The following TP73 variants were observed in gnomAD, a reference collection of about 807,000 sequenced individuals.
TP73 encodes tumor protein p73, also known as p53-like transcription factor.
TP73 carries 25 observed loss-of-function variants against 62.5 expected under a neutral mutation model. That is an observed-to-expected ratio of 0.40 (90% confidence interval 0.29 to 0.56). The LOEUF is 0.56. Ranked by LOEUF, TP73 falls within the 20% of genes least tolerant of loss-of-function variation. TP73 has a pLI of 0.46. For missense variants in TP73, 754 were observed against 913.3 expected, an observed-to-expected ratio of 0.83 and a Z score of 2.25; for synonymous variants, 423 against 377.5, an observed-to-expected ratio of 1.12 and a Z score of -1.40.
intron 1 of TP73, among the ~76,000 whole-genome samples, chr1:3,673,715 A>G (rs957559377): frequency 1.6e-4 from 25 of 152,342 alleles, no homozygotes; most frequent in African/African-American, 6.0e-4. Context: ...ACCCAAACAC[A>G]TATATGACAG....
At chr1:3,681,865 CA>C (rs1645530130) in intron 1 of TP73, among the ~76,000 whole-genome samples, 1 of 108,950 alleles carries the variant, frequency 9.2e-6, no homozygotes, top group Non-Finnish European at 2.2e-5. Context: ...TAACAGACCA[CA>C]GGCCTCACAC....
intron 6 of TP73, 53 bp from the exon 7 acceptor site, chr1:3,727,062 G>A: frequency 6.6e-7 from 1 of 1,523,908 alleles, no homozygotes; most frequent in South Asian, 1.2e-5. Context: ...CCACCTTAGT[G>A]GATTGGGGCT....
intron 3 of TP73, among the ~76,000 whole-genome samples, chr1:3,706,517 G>A (rs1004378891): frequency 4.0e-5 from 6 of 151,898 alleles, no homozygotes; most frequent in African/African-American, 1.2e-4. Context: ...CCGGGGAGAG[G>A]GGGGTAAAGG....
intron 9 of TP73, 145 bp downstream of exon 9, chr1:3,728,362 G>A: frequency 3.9e-6 from 3 of 774,510 alleles, no homozygotes; most frequent in Non-Finnish European, 4.0e-6. Flanking sequence ...GGGTCCAGAG[G>A]GCAGAACCTG....
chr1:3,711,960 C>T (rs2124423515), intron 4 of TP73, among the ~76,000 whole-genome samples: 1 of 152,186 alleles, frequency 6.6e-6, no homozygotes, highest in South Asian at 2.1e-4. Context: ...GGAAGGACGG[C>T]CAGGGAAGCA....
At chr1:3,665,657 C>CT (rs58949374) in intron 1 of TP73, among the ~76,000 whole-genome samples, 1,689 of 137,580 alleles carry the variant, frequency 0.012, 28 homozygotes, top group Middle Eastern at 0.034. Flanking sequence ...TCTCTCTTTT[C>CT]TTTTTTTTTT....
chr1:3,723,530 G>A (rs1213388282), intron 6 of TP73, 61 bp downstream of exon 6: 2 of 759,628 alleles, frequency 2.6e-6, no homozygotes, highest in Non-Finnish European at 2.3e-6. Context: ...TCGGGGGAGG[G>A]GTCCCCTGAG....
Position 3,731,031 on chromosome 1 carries a change from C to A in TP73, c.1450C>A (p.Pro484Thr). ...GGTCTCGGGGTCCCACTGCACTCCGCCACCCCCCTACCACGCCGACCCCAG... is the reference window on the plus strand; with the variant it reads ...GGTCTCGGGGTCCCACTGCACTCCGACACCCCCCTACCACGCCGACCCCAG... ...SMVSGSHCTPPPPYHADPSLV... is the reference protein window; with the variant it reads ...SMVSGSHCTPTPPYHADPSLV... The change falls in exon 12 of 14, where the codon CCA (proline) becomes ACA (threonine). Residue 484 changes from proline (P) to threonine (T), a missense_variant. Physicochemically the swap from Pro to Thr is conservative, Grantham distance 38. This residue lies in a region of TP73 where 458 missense variants were observed against 528.7 expected (regional missense o/e 0.87). Transcript: ENST00000378295. 3 of 1,612,354 alleles carry A rather than the reference C, an allele frequency of 1.9e-6. No homozygotes were observed. The highest frequency in any genetic ancestry group is 2.5e-6 in the Non-Finnish European group (3 of 1,179,748).
intron 1 of TP73, among the ~76,000 whole-genome samples, chr1:3,681,019 C>G (rs1026894388): frequency 3.3e-5 from 5 of 152,256 alleles, no homozygotes; most frequent in Non-Finnish European, 5.9e-5. Flanking sequence ...AGCGGTCACG[C>G]CCACCTGGGA....
At chr1:3,717,793 CCAGA>C (rs900429255) in intron 4 of TP73, among the ~76,000 whole-genome samples, 1 of 152,188 alleles carries the variant, frequency 6.6e-6, no homozygotes, top group Non-Finnish European at 1.5e-5. Flanking sequence ...TCACCCACCC[CCAGA>C]TGCTGCCAGG....
chr1:3,706,695 C>T (rs866038125), intron 3 of TP73, among the ~76,000 whole-genome samples: 39 of 152,210 alleles, frequency 2.6e-4, no homozygotes, highest in Non-Finnish European at 4.1e-4. Flanking sequence ...GACCAGCACC[C>T]CCTCCCTCAG....
chr1:3,731,417 G>A lies in TP73; in HGVS notation c.1485-46G>A, dbSNP rs576669515. On this transcript the variant is annotated intron_variant, in intron 12 of 13. Transcript: ENST00000378295. The stretch of plus-strand genomic sequence containing the variant: ...CAGAGATGGGGGCTCGCGCAGCCCT[G>A]TGCTCGGAAGCTAATGCTGCTTCCT... 8.6e-5 allele frequency: 137 copies of A among 1,585,412 alleles called. 3 individuals carry two copies. The South Asian group carries it at 1.3e-3, about 15-fold the overall frequency.
rs1181315686 is a variant in TP73 at position 3,715,328 on chromosome 1, G to A, written c.430-6693G>A. On this transcript the variant is annotated intron_variant, in intron 4 of 13. Coordinates refer to ENST00000378295, the MANE Select transcript of TP73 (RefSeq NM_005427.4). ...CAGTGCCCAGTCTTCCTGGAACCCA[G>A]GGGTGACGCCTCTGCAGTGCCGTCT... 2.6e-5 allele frequency among the ~76,000 whole-genome samples: 4 copies of A among 152,204 alleles called. No individual in the cohort carries two copies. In the East Asian group the frequency reaches 7.7e-4, roughly 29 times the overall value.
At chr1:3,681,843 C>T (rs1001760625) in intron 1 of TP73, among the ~76,000 whole-genome samples, 1 of 151,792 alleles carries the variant, frequency 6.6e-6, no homozygotes, top group African/African-American at 2.4e-5. Context: ...CAAACCCAGA[C>T]ACAGGGGATC....
chr1:3,727,878 C>A (rs1433542654), intron 8 of TP73, 108 bp downstream of exon 8: 1 of 1,409,094 alleles, frequency 7.1e-7, no homozygotes, highest in African/African-American at 1.4e-5. Context: ...CCCTGAACGG[C>A]CCCCCACGCC....
chr1:3,706,874 C>T (rs1429972494), intron 3 of TP73, among the ~76,000 whole-genome samples: 1 of 152,120 alleles, frequency 6.6e-6, no homozygotes, highest in Non-Finnish European at 1.5e-5. Context: ...GGCCAGGGGG[C>T]AGCAGGGGTG....
chr1:3,725,433 A>C (rs1202930687), intron 6 of TP73, among the ~76,000 whole-genome samples: 13 of 130,544 alleles, frequency 1.0e-4, no homozygotes, highest in African/African-American at 3.9e-4. Flanking sequence ...ATGGGTAGGT[A>C]GGTGGGTGGA....
intron 4 of TP73, among the ~76,000 whole-genome samples, chr1:3,718,211 C>T (rs1261816051): frequency 6.6e-6 from 1 of 151,844 alleles, no homozygotes; most frequent in Non-Finnish European, 1.5e-5. Flanking sequence ...AGCTCCTCCC[C>T]GGGGCGGGGC....
At chr1:3,690,501 G>A (rs919329605) in intron 3 of TP73, among the ~76,000 whole-genome samples, 3 of 152,212 alleles carry the variant, frequency 2.0e-5, no homozygotes, top group Non-Finnish European at 2.9e-5. Flanking sequence ...GCAGCATCTC[G>A]GAAGGAGCCC....
Sources: allele counts gnomAD v4.1 joint callset (sites outside exome capture counted in the v4.1 genomes callset), GRCh38; gene constraint gnomAD v4.1.1; regional missense constraint gnomAD v4.1.1; transcripts MANE v1.5; gene names NCBI Gene and HGNC (gene_info 2026-07-23, HGNC 2026-07-21).